SPDYE17: variants seen among roughly 807,000 people sequenced by gnomAD.
The protein encoded by SPDYE17 is speedy/RINGO cell cycle regulator family member E17.
For missense variants in SPDYE17, 7 were observed against 38.0 expected (o/e 0.18, Z 2.15); for synonymous variants, 4 against 14.8 (o/e 0.27, Z 1.68).
Position 77,032,279 on chromosome 7 carries a change from G to C in SPDYE17, c.-493C>G, listed in dbSNP as rs574143213. On this transcript the variant is annotated 5_prime_UTR_variant, in exon 1 of 8. Coordinates refer to ENST00000671986, the MANE Select transcript of SPDYE17 (RefSeq NM_001351351.3). ...CCACATGGCTTCCTAACGGGCTGCG[G>C]CTCTCCTAGGAGTCTCTCGCTCATG... 7.0e-3 allele frequency among the ~76,000 whole-genome samples: 906 copies of C among 129,016 alleles called. 92 individuals are homozygous for C. The highest frequency in any genetic ancestry group is 0.024 in the African/African-American group (857 of 35,402). 84.6% of individuals were successfully genotyped at this position (129,016 alleles called of 152,430 possible).
chr7:77,031,800 G>A (rs1446101252), intron 1 of SPDYE17, among the ~76,000 whole-genome samples: 1 of 38,326 alleles, frequency 2.6e-5, no homozygotes, highest in Non-Finnish European at 4.0e-5. Context: ...GCTGCAGTGA[G>A]CTGTGATCGT....
At chr7:77,026,503 C>T (rs1255745014) in intron 5 of SPDYE17, among the ~76,000 whole-genome samples, 1 of 150,100 alleles carries the variant, frequency 6.7e-6, no homozygotes, top group East Asian at 2.1e-4. Context: ...ACTGTGACCT[C>T]TGTCACGGGA....
intron 2 of SPDYE17, among the ~76,000 whole-genome samples, chr7:77,030,024 C>G (rs1789485386): frequency 1.8e-5 from 2 of 113,538 alleles, no homozygotes; most frequent in South Asian, 7.8e-4. Context: ...CTCCATTCTT[C>G]CCACACACCC....
chr7:77,027,920 A>G (rs970051630), intron 4 of SPDYE17, among the ~76,000 whole-genome samples: 2 of 131,100 alleles, frequency 1.5e-5, no homozygotes, highest in Non-Finnish European at 3.2e-5. Flanking sequence ...GCTTGAACCC[A>G]GGAGGCATCA....
chr7:77,027,987 T>C (rs1405594190), intron 4 of SPDYE17, among the ~76,000 whole-genome samples, 155 bp downstream of exon 4: 1 of 130,566 alleles, frequency 7.7e-6, no homozygotes, highest in East Asian at 3.8e-4. Flanking sequence ...AGAGCAAGAC[T>C]GTGTCTCACA....
intron 3 of SPDYE17, among the ~76,000 whole-genome samples, 159 bp from the exon 4 acceptor site, chr7:77,028,359 GGA>G (rs1789468542): frequency 1.1e-5 from 1 of 94,640 alleles, no homozygotes; most frequent in African/African-American, 4.3e-5. Flanking sequence ...ACTGGGCAAG[GGA>G]GAGAGGCTCC....
At chr7:77,030,080 CTTTTT>C (rs761251656) in intron 2 of SPDYE17, among the ~76,000 whole-genome samples, 1 of 45,312 alleles carries the variant, frequency 2.2e-5, no homozygotes, top group Non-Finnish European at 3.3e-5. Context: ...TTTGTTTCTT[CTTTTT>C]TTTTTTTTTT....
At chr7:77,024,834 C>T in intron 6 of SPDYE17, 34 bp downstream of exon 6, 3 of 13,478 alleles carry the variant, frequency 2.2e-4, no homozygotes, top group South Asian at 1.8e-3. Context: ...CCCGATTCCT[C>T]CCCACATCCT....
chr7:77,030,041 G>GGTT (rs1340011290), intron 2 of SPDYE17, among the ~76,000 whole-genome samples: 1 of 106,294 alleles, frequency 9.4e-6, no homozygotes, highest in Non-Finnish European at 1.8e-5. Context: ...ACCCTCCCCA[G>GGTT]GTTCTCCTTC....
intron 5 of SPDYE17, among the ~76,000 whole-genome samples, 188 bp downstream of exon 5, chr7:77,026,641 C>T (rs1418311996): frequency 3.0e-5 from 4 of 135,392 alleles, no homozygotes; most frequent in Non-Finnish European, 4.7e-5. Flanking sequence ...CCCTTAGGAG[C>T]GGTTCATGGT....
chr7:77,029,371 C>G lies in SPDYE17; in HGVS notation c.211G>C (p.Glu71Gln). 4 of 129,564 alleles carry G rather than the reference C, an allele frequency of 3.1e-5. No individual in the cohort carries two copies. Among genetic ancestry groups the G allele is most frequent in the Non-Finnish European group, 4.8e-5 (4 of 84,086 alleles). 8.0% of individuals were successfully genotyped at this position (129,564 alleles called of 1,614,324 possible). ...TCAGGGGCGAGCTCCTTCTCTGGCT[C>G]ATCATCAGATTCATCCAAACATTCC... ...KRECLDESDD[E>Q]PEKELAPEPE... Residue 71 changes from glutamate to glutamine, a missense_variant, in exon 3 of 8, where the codon GAG (glutamate) becomes CAG (glutamine). Physicochemically the swap from Glu to Gln is conservative, Grantham distance 29. Transcript: ENST00000671986.
At chr7:77,027,802 T>C (rs1359813211) in intron 4 of SPDYE17, among the ~76,000 whole-genome samples, 1 of 127,438 alleles carries the variant, frequency 7.8e-6, no homozygotes, top group Non-Finnish European at 1.6e-5. Context: ...TCGGGACCAA[T>C]CTGGCCAACA....
Position 77,022,834 on chromosome 7 carries a change from T to A in SPDYE17, c.*999A>T, listed in dbSNP as rs1392294185. On this transcript the variant is annotated 3_prime_UTR_variant, in exon 8 of 8. Coordinates refer to ENST00000671986, the MANE Select transcript of SPDYE17 (RefSeq NM_001351351.3). ...TATTTAAATAAATAAATATATTTAATAAATATTTCAATAAATAAAATAATA... is the reference window on the plus strand; with the variant it reads ...TATTTAAATAAATAAATATATTTAAAAAATATTTCAATAAATAAAATAATA... Among the ~76,000 whole-genome samples the A allele has an allele frequency of 1.7e-5, 2 of 119,352 alleles. No homozygotes were observed. The highest frequency in any genetic ancestry group is 3.7e-5 in the Non-Finnish European group (2 of 53,784). 78.3% of individuals were successfully genotyped at this position (119,352 alleles called of 152,430 possible). A position where few individuals can be genotyped will look rare whatever the true frequency, so the allele number is the denominator to read the frequency against.
rs1420840334 is a variant in SPDYE17, at chr7:77,032,270, C to T, written c.-484G>A. ...GATGAGTTCCCACATGGCTTCCTAACGGGCTGCGGCTCTCCTAGGAGTCTC... is the reference window on the plus strand; with the variant it reads ...GATGAGTTCCCACATGGCTTCCTAATGGGCTGCGGCTCTCCTAGGAGTCTC... On this transcript the variant is annotated 5_prime_UTR_variant, in exon 1 of 8. Coordinates refer to ENST00000671986, the MANE Select transcript of SPDYE17 (RefSeq NM_001351351.3). Among the ~76,000 whole-genome samples, 13 of 127,282 alleles carry T rather than the reference C, an allele frequency of 1.0e-4. No individual in the cohort carries two copies. Among genetic ancestry groups the T allele is most frequent in the African/African-American group, 2.6e-4 (9 of 34,778 alleles). 83.5% of individuals were successfully genotyped at this position (127,282 alleles called of 152,430 possible). A position where few individuals can be genotyped will look rare whatever the true frequency, so the allele number is the denominator to read the frequency against.
At position 77,032,271 on chromosome 7, in the gene SPDYE17, G is replaced by A. The variant is rs1427196690; in HGVS notation, c.-485C>T. ...ATGAGTTCCCACATGGCTTCCTAACGGGCTGCGGCTCTCCTAGGAGTCTCT... is the reference window on the plus strand; with the variant it reads ...ATGAGTTCCCACATGGCTTCCTAACAGGCTGCGGCTCTCCTAGGAGTCTCT... On this transcript the variant is annotated 5_prime_UTR_variant, in exon 1 of 8. Coordinates refer to ENST00000671986, the MANE Select transcript of SPDYE17 (RefSeq NM_001351351.3). Among the ~76,000 whole-genome samples the A allele has an allele frequency of 3.1e-5, 4 of 127,834 alleles. No individual in the cohort carries two copies. Among genetic ancestry groups the A allele is most frequent in the African/African-American group, 5.7e-5 (2 of 35,022 alleles). 83.9% of individuals were successfully genotyped at this position (127,834 alleles called of 152,430 possible).
At chr7:77,025,874 TG>T (rs1789423648) in intron 5 of SPDYE17, 1 of 145,422 alleles carries the variant, frequency 6.9e-6, no homozygotes, top group Non-Finnish European at 1.5e-5. Context: ...GAGGCTGCAG[TG>T]AGCTATGATC....
At position 77,029,686 on chromosome 7, in the gene SPDYE17, C is replaced by T. The variant is rs1448805692; in HGVS notation, c.131-235G>A. On this transcript the variant is annotated intron_variant, in intron 2 of 7. Transcript: ENST00000671986. ...TCATATCCTTCCCTGGTCCCTGGCT[C>T]TCTGAGTCCCTCTTTTTTTTTTTTT... 7.0e-5 allele frequency among the ~76,000 whole-genome samples: 4 copies of T among 57,516 alleles called. 1 individual carries two copies. Among genetic ancestry groups the T allele is most frequent in the African/African-American group, 4.0e-4 (4 of 9,970 alleles). 37.7% of individuals were successfully genotyped at this position (57,516 alleles called of 152,430 possible). A position where few individuals can be genotyped will look rare whatever the true frequency, so the allele number is the denominator to read the frequency against.
chr7:77,031,926 C>T (rs1273092357), intron 1 of SPDYE17, among the ~76,000 whole-genome samples: 3 of 52,500 alleles, frequency 5.7e-5, no homozygotes, highest in African/African-American at 1.3e-4. Context: ...CTGTGGGTTC[C>T]GGCCAGGCAC....
At chr7:77,032,219 A>AC (rs1562787090) in intron 1 of SPDYE17, among the ~76,000 whole-genome samples, 21 bp downstream of exon 1, 2 of 119,588 alleles carry the variant, frequency 1.7e-5, no homozygotes, top group African/African-American at 6.3e-5. Flanking sequence ...TCAAAAAAAA[A>AC]AAAAAACAAA....
Sources: allele counts gnomAD v4.1 joint callset (sites outside exome capture counted in the v4.1 genomes callset), GRCh38; gene constraint gnomAD v4.1.1; transcripts MANE v1.5; gene names NCBI Gene and HGNC (gene_info 2026-07-23, HGNC 2026-07-21).